The following ITGA9 variants were observed in gnomAD, a reference collection of about 807,000 sequenced individuals.
The protein encoded by ITGA9 is integrin subunit alpha 9.
In ITGA9, 56 loss-of-function variants were observed where a neutral mutation model predicts 127.8. The observed-to-expected ratio is 0.44, with a 90% CI of 0.35 to 0.55. ITGA9 has a LOEUF of 0.55. Among genes scored for constraint, ITGA9 ranks in the 20% least tolerant of loss-of-function variants. The probability of loss-of-function intolerance (pLI) is 0.00; values close to 1 mark genes in which losing one functional copy is unlikely to be tolerated. For missense variants in ITGA9, 1,196 were observed against 1,347.1 expected, an observed-to-expected ratio of 0.89 and a Z score of 1.76; for synonymous variants, 508 against 514.5, an observed-to-expected ratio of 0.99 and a Z score of 0.17.
chr3:37,520,994 A>G (rs1468339285), intron 11 of ITGA9, among the ~76,000 whole-genome samples: 2 of 152,198 alleles, frequency 1.3e-5, no homozygotes, highest in African/African-American at 2.4e-5. Flanking sequence ...GAACCACAGT[A>G]TAACTCTTGT....
intron 15 of ITGA9, among the ~76,000 whole-genome samples, chr3:37,620,435 C>T (rs1372834927): frequency 2.0e-5 from 3 of 152,100 alleles, no homozygotes; most frequent in Non-Finnish European, 4.4e-5. Context: ...GTTGTAGGGG[C>T]AACTGGCTTT....
At chr3:37,729,250 A>T (rs2125526850) in intron 18 of ITGA9, among the ~76,000 whole-genome samples, 1 of 152,308 alleles carries the variant, frequency 6.6e-6, no homozygotes, top group Middle Eastern at 3.4e-3. Context: ...AGGGCAGTTG[A>T]CATGGCCAGT....
rs73826597 is a variant in ITGA9, at chr3:37,506,499, C to T, written c.828+414C>T. On this transcript the variant is annotated intron_variant, in intron 7 of 27. Transcript: ENST00000264741. ...GATATCTTTGAGGCTTTATTCATGC[C>T]CCAAATTATTCTCGTATTTATTTCC... is the stretch of plus-strand genomic sequence containing the variant. Among the ~76,000 whole-genome samples the T allele has an allele frequency of 2.2e-3, 329 of 152,250 alleles. 2 individuals carry two copies. Among genetic ancestry groups the T allele is most frequent in the African/African-American group, 7.3e-3 (305 of 41,550 alleles).
At position 37,655,418 on chromosome 3, in the gene ITGA9, G is replaced by T. The variant is rs534356158; in HGVS notation, c.1916+1628G>T. 2.5e-4 allele frequency among the ~76,000 whole-genome samples: 38 copies of T among 152,246 alleles called. 1 individual carries two copies. The East Asian group carries it at 6.4e-3, about 26-fold the overall frequency. ...TGGCGTGACATGGTATCTCATTGTG[G>T]TTTTGATTTGCATTTCTGTAATGAC... is the stretch of plus-strand genomic sequence containing the variant. On this transcript the variant is annotated intron_variant, in intron 17 of 27. Transcript: ENST00000264741.
intron 3 of ITGA9, among the ~76,000 whole-genome samples, chr3:37,480,004 A>T (rs1275189551): frequency 1.3e-5 from 2 of 152,228 alleles, no homozygotes; most frequent in African/African-American, 4.8e-5. Flanking sequence ...GATTATTTTC[A>T]AAAGCAATAT....
chr3:37,490,718 A>AT (rs113897538), intron 4 of ITGA9, among the ~76,000 whole-genome samples: 11 of 151,828 alleles, frequency 7.2e-5, no homozygotes, highest in South Asian at 2.1e-4. Context: ...GGAAACCAGT[A>AT]TTTTTTTTCC....
intron 11 of ITGA9, among the ~76,000 whole-genome samples, chr3:37,521,019 G>A (rs17036523): frequency 0.013 from 2,011 of 152,214 alleles, 31 homozygotes; most frequent in African/African-American, 0.036. Context: ...AGCGTGGAGC[G>A]TCTTTAGTGG....
intron 15 of ITGA9, among the ~76,000 whole-genome samples, chr3:37,562,274 C>T (rs780795509): frequency 5.3e-5 from 8 of 152,176 alleles, no homozygotes; most frequent in East Asian, 3.8e-4. Flanking sequence ...ATTTCTGCCC[C>T]GGAGCACCTA....
intron 8 of ITGA9, among the ~76,000 whole-genome samples, chr3:37,510,319 T>G (rs1171308687): frequency 2.0e-5 from 3 of 152,166 alleles, no homozygotes. Context: ...TTATTTAAAA[T>G]GAATTGTGGA....
At chr3:37,803,727 T>C (rs1307727736) in intron 26 of ITGA9, 96 bp from the exon 27 acceptor site, 3 of 1,430,722 alleles carry the variant, frequency 2.1e-6, no homozygotes, top group Non-Finnish European at 2.9e-6. Flanking sequence ...TGAGCCGAGA[T>C]TGTGCCATTG....
At chr3:37,623,053 A>C (rs1700142515) in intron 15 of ITGA9, among the ~76,000 whole-genome samples, 2 of 152,064 alleles carry the variant, frequency 1.3e-5, no homozygotes, top group Non-Finnish European at 2.9e-5. Context: ...TCCTATTGAG[A>C]GAATACACTG....
In ITGA9 at chr3:37,517,555, C is replaced by T; in HGVS notation, c.1087C>T (p.His363Tyr). ...ALTGDGAYNA[H>Y]FGESIASLDD... is the part of the protein sequence containing the mutation. Reference sequence around the variant, plus strand: ...GACTGGGGATGGTGCCTACAATGCGCACTTTGGAGAGAGCATTGCCAGCCT... The same window carrying T: ...GACTGGGGATGGTGCCTACAATGCGTACTTTGGAGAGAGCATTGCCAGCCT... Residue 363 changes from histidine to tyrosine, a missense_variant, in exon 10 of 28, where the codon CAC becomes TAC. His to Tyr is a moderately conservative substitution (Grantham distance 83). Transcript: ENST00000264741. The T allele has an allele frequency of 5.6e-6, 9 of 1,599,596 alleles. No individual in the cohort carries two copies. The highest frequency in any genetic ancestry group is 7.7e-6 in the Non-Finnish European group (9 of 1,173,074).
chr3:37,689,690 T>C (rs561776587), intron 18 of ITGA9, among the ~76,000 whole-genome samples: 2 of 152,320 alleles, frequency 1.3e-5, no homozygotes, highest in South Asian at 2.1e-4. Flanking sequence ...AAACGACACC[T>C]CCACAGAATA....
intron 18 of ITGA9, among the ~76,000 whole-genome samples, chr3:37,688,562 C>A (rs1181746063): frequency 6.6e-6 from 1 of 152,168 alleles, no homozygotes; most frequent in South Asian, 2.1e-4. Context: ...CTCCTCAGCT[C>A]CTCATGAGAG....
intron 18 of ITGA9, among the ~76,000 whole-genome samples, chr3:37,685,187 C>T (rs1054348607): frequency 2.0e-5 from 3 of 152,292 alleles, no homozygotes; most frequent in Admixed American, 2.0e-4. Context: ...AGGTCAACGG[C>T]GTTTGTTCAG....
Position 37,806,396 on chromosome 3 carries a change from C to A in ITGA9, c.3009+2454C>A, listed in dbSNP as rs749571737. 1 of 152,060 alleles carries A rather than the reference C, an allele frequency of 6.6e-6. No homozygotes were observed. The allele number at this position is 152,060 out of a possible 1,614,324, so 9.4% of individuals were successfully genotyped here. ...GTCCTTTATGGCTGGGTGTGTGGAA[C>A]CAGACAGGGCACAGAGTGGGGAGTG... On this transcript the variant is annotated intron_variant, in intron 27 of 27. Coordinates refer to ENST00000264741, the MANE Select transcript of ITGA9 (RefSeq NM_002207.3). The surrounding 1 kb of genome is among the most constrained non-coding windows in gnomAD (Gnocchi z 4.3).
At chr3:37,810,743 G>A (rs1338646567) in intron 27 of ITGA9, among the ~76,000 whole-genome samples, 1 of 152,198 alleles carries the variant, frequency 6.6e-6, no homozygotes, top group African/African-American at 2.4e-5. Context: ...ACCTAGTCTT[G>A]AAGACCTTTA....
chr3:37,494,284 C>G (rs1034636318), intron 4 of ITGA9, among the ~76,000 whole-genome samples: 1 of 152,194 alleles, frequency 6.6e-6, no homozygotes, highest in Non-Finnish European at 1.5e-5. Flanking sequence ...TGCTGGGGCA[C>G]TGGGCAGCCT....
chr3:37,746,729 A>T (rs760497059), intron 22 of ITGA9, among the ~76,000 whole-genome samples: 1 of 152,064 alleles, frequency 6.6e-6, no homozygotes, highest in Non-Finnish European at 1.5e-5. Context: ...TTCCTTTTCT[A>T]TGTCTTCAGG....
Sources: gnomAD v4.1 joint callset for allele counts (sites outside exome capture counted in the v4.1 genomes callset) on GRCh38, gnomAD v4.1.1 for gene constraint, Gnocchi (gnomAD v3.1) non-coding constraint, MANE v1.5 for transcripts, NCBI Gene and HGNC (gene_info 2026-07-23, HGNC 2026-07-21) for gene names.